The following KLHL5 variants were observed in gnomAD, a reference collection of about 807,000 sequenced individuals.
KLHL5 encodes kelch like family member 5.
Under a neutral mutation model 77.7 loss-of-function variants are expected in KLHL5, and 48 were observed. The observed-to-expected ratio is 0.62, with a 90% CI of 0.49 to 0.79. The LOEUF (loss-of-function observed/expected upper bound fraction) is 0.79, where lower values mean the gene tolerates loss of function less well. Among genes scored for constraint, KLHL5 ranks in the 30% least tolerant of loss-of-function variants. The pLI is 0.00. For synonymous variants in KLHL5, 260 were observed against 297.0 expected (o/e 0.88, Z 1.28); for missense variants, 723 against 859.7 (o/e 0.84, Z 1.99).
At position 39,093,178 on chromosome 4, in the gene KLHL5, G is replaced by A. The variant is rs551772650; in HGVS notation, c.1114-3514G>A. ...GTGGAATATTACTCAACAGTAAAAAGAAATGAAGCACTGATACGAGGAGCT... is the reference window on the plus strand; with the variant it reads ...GTGGAATATTACTCAACAGTAAAAAAAAATGAAGCACTGATACGAGGAGCT... On this transcript the variant is annotated intron_variant, in intron 5 of 10. Coordinates refer to ENST00000504108, the MANE Select transcript of KLHL5 (RefSeq NM_015990.5). The A allele has an allele frequency of 1.3e-3, 584 of 454,528 alleles. 2 individuals are homozygous for A. Among genetic ancestry groups the A allele is most frequent in the Non-Finnish European group, 1.8e-3 (408 of 226,322 alleles). 28.2% of individuals were successfully genotyped at this position (454,528 alleles called of 1,614,324 possible).
intron 6 of KLHL5, among the ~76,000 whole-genome samples, chr4:39,101,416 C>T (rs1721532885): frequency 6.6e-6 from 1 of 151,756 alleles, no homozygotes; most frequent in Admixed American, 6.6e-5. Context: ...TATACTATTA[C>T]TATGTATGTT....
intron 5 of KLHL5, among the ~76,000 whole-genome samples, chr4:39,095,695 C>T (rs1297466390): frequency 6.6e-6 from 1 of 151,514 alleles, no homozygotes; most frequent in Non-Finnish European, 1.5e-5. Context: ...AAAAAATTAG[C>T]ATATCTATAT....
chr4:39,066,390 A>G (rs977847649), intron 1 of KLHL5, among the ~76,000 whole-genome samples: 2 of 152,198 alleles, frequency 1.3e-5, no homozygotes, highest in African/African-American at 2.4e-5. Flanking sequence ...CATATTTTCA[A>G]TTGGAGGAAT....
chr4:39,068,855 G>A lies in KLHL5; in HGVS notation c.383+5820G>A, dbSNP rs953256859. On this transcript the variant is annotated intron_variant, in intron 1 of 10. Transcript: ENST00000504108. Reference sequence around the variant, plus strand: ...ATACACACACCTCATAGTTAACTACGTAACTACATAACTTGCTCATTTAAC... The same window carrying A: ...ATACACACACCTCATAGTTAACTACATAACTACATAACTTGCTCATTTAAC... Among the ~76,000 whole-genome samples the A allele has an allele frequency of 5.3e-5, 8 of 152,142 alleles. No individual in the cohort carries two copies. In the East Asian group the frequency reaches 9.6e-4, roughly 18 times the overall value.
At position 39,125,770 on chromosome 4, in the gene KLHL5, G is replaced by A. The variant is rs1452890337; in HGVS notation, c.*4704G>A. Among the ~76,000 whole-genome samples the A allele has an allele frequency of 6.6e-6, 1 of 152,158 alleles. No homozygotes were observed. The highest frequency in any genetic ancestry group is 1.5e-5 in the Non-Finnish European group (1 of 68,028). On this transcript the variant is annotated 3_prime_UTR_variant, in exon 11 of 11. Transcript: ENST00000504108. ...AAATGTTCTGGAACTACTTATTGGGGATGATTGCACAACATGGTGAAGGTA... is the reference window on the plus strand; with the variant it reads ...AAATGTTCTGGAACTACTTATTGGGAATGATTGCACAACATGGTGAAGGTA...
In KLHL5 at chr4:39,062,233, C is replaced by T; in HGVS notation, c.-420C>T. 3 of 1,231,292 alleles carry T rather than the reference C, an allele frequency of 2.4e-6. No individual in the cohort carries two copies. In the South Asian group the frequency reaches 6.5e-5, roughly 27 times the overall value. The allele number at this position is 1,231,292 out of a possible 1,614,324, so 76.3% of individuals were successfully genotyped here. The stretch of plus-strand genomic sequence containing the variant: ...ATACTAAGCAGCAGAGACTGAGATA[C>T]TGCAACGGGGATAGTGTTTTCTGTC... On this transcript the variant is annotated 5_prime_UTR_variant, in exon 1 of 11. Transcript: ENST00000504108.
intron 8 of KLHL5, among the ~76,000 whole-genome samples, chr4:39,112,265 T>C (rs1560397): frequency 0.53 from 80,224 of 152,074 alleles, 21,726 homozygotes; most frequent in Non-Finnish European, 0.59. Context: ...ACATTTAGGT[T>C]GCTCACATGA....
At chr4:39,100,331 C>T (rs373641007) in intron 6 of KLHL5, among the ~76,000 whole-genome samples, 37 of 152,202 alleles carry the variant, frequency 2.4e-4, no homozygotes, top group African/African-American at 7.5e-4. Flanking sequence ...TGACAGTCAT[C>T]AGGTCTTTTT....
At chr4:39,115,015 A>G (rs1722733918) in intron 9 of KLHL5, 144 bp from the exon 10 acceptor site, 1 of 719,216 alleles carries the variant, frequency 1.4e-6, no homozygotes, top group African/African-American at 1.8e-5. Flanking sequence ...TCAGAGAAAT[A>G]CTGATATTTT....
chr4:39,109,914 G>A (rs1722334078), intron 8 of KLHL5, among the ~76,000 whole-genome samples: 1 of 151,974 alleles, frequency 6.6e-6, no homozygotes, highest in South Asian at 2.1e-4. Flanking sequence ...TCAAACTCCT[G>A]ACCTCAAGTG....
At chr4:39,064,972 A>C (rs1717759135) in intron 1 of KLHL5, among the ~76,000 whole-genome samples, 1 of 152,144 alleles carries the variant, frequency 6.6e-6, no homozygotes, top group African/African-American at 2.4e-5. Flanking sequence ...AACTATTCCA[A>C]AAATAAAATT....
chr4:39,054,320 GC>G (rs2109259439), intron 1 of KLHL5, among the ~76,000 whole-genome samples: 1 of 152,266 alleles, frequency 6.6e-6, no homozygotes, highest in African/African-American at 2.4e-5. Flanking sequence ...CCTGGACCCT[GC>G]CACTCACCAG....
chr4:39,103,443 A>G lies in KLHL5; in HGVS notation c.1457A>G (p.Glu486Gly). 6.2e-7 allele frequency: 1 copy of G among 1,614,214 alleles called. No homozygotes were observed. Among genetic ancestry groups the G allele is most frequent in the Non-Finnish European group, 8.5e-7 (1 of 1,180,034 alleles). Residue 486 changes from glutamate to glycine, a missense_variant, in exon 7 of 11, where the codon GAG (glutamate) becomes GGG (glycine). Glu to Gly is a moderately conservative substitution (Grantham distance 98, BLOSUM62 -2). This residue lies in a region of KLHL5 where 288 missense variants were observed against 400.3 expected (regional missense o/e 0.72). Coordinates refer to ENST00000504108, the MANE Select transcript of KLHL5 (RefSeq NM_015990.5). ...GGACTGAAGACTTTGAATACTGTAG[A>G]GTGCTACAACCCCAAAACAAAAACT... is the stretch of plus-strand genomic sequence containing the variant. The part of the protein sequence containing the change: ...RDGLKTLNTV[E>G]CYNPKTKTWS...
intron 6 of KLHL5, among the ~76,000 whole-genome samples, chr4:39,100,680 C>G (rs892486333): frequency 6.6e-6 from 1 of 152,146 alleles, no homozygotes. Flanking sequence ...AGTGAACATG[C>G]CATTATTCTG....
At chr4:39,074,870 T>C (rs1718859193) in intron 1 of KLHL5, among the ~76,000 whole-genome samples, 1 of 152,212 alleles carries the variant, frequency 6.6e-6, no homozygotes. Context: ...GCACAGTCAC[T>C]GGTTTTATAG....
chr4:39,102,257 T>C (rs1173665777), intron 6 of KLHL5, among the ~76,000 whole-genome samples: 1 of 151,600 alleles, frequency 6.6e-6, no homozygotes, highest in Non-Finnish European at 1.5e-5. Flanking sequence ...GAGAAGTGGG[T>C]TCTAGTTGAA....
chr4:39,073,113 A>G (rs909602139), intron 1 of KLHL5, among the ~76,000 whole-genome samples: 6 of 152,202 alleles, frequency 3.9e-5, no homozygotes, highest in Admixed American at 6.5e-5. Flanking sequence ...TTTTTAAAAT[A>G]TGGTGTTCAA....
At chr4:39,058,630 A>G (rs779709213), upstream of KLHL5, among the ~76,000 whole-genome samples, 10 of 152,122 alleles carry the variant, frequency 6.6e-5, no homozygotes, top group Non-Finnish European at 1.2e-4. Context: ...AAATATATAT[A>G]TATTTTGTCA....
At chr4:39,047,516 A>G (rs772731247) in intron 1 of KLHL5, among the ~76,000 whole-genome samples, 2 of 152,260 alleles carry the variant, frequency 1.3e-5, no homozygotes, top group Non-Finnish European at 2.9e-5. Flanking sequence ...AAAGAGTTGA[A>G]GTTAGCCAAT....
Sources: allele counts gnomAD v4.1 joint callset (sites outside exome capture counted in the v4.1 genomes callset), GRCh38; gene constraint gnomAD v4.1.1; regional missense constraint gnomAD v4.1.1; transcripts MANE v1.5; gene names NCBI Gene and HGNC (gene_info 2026-07-23, HGNC 2026-07-21).